Variants in CCDC83 observed in about 807,000 individuals in gnomAD.
CCDC83 encodes coiled-coil domain containing 83, also known as coiled-coil domain-containing protein 83.
Under a neutral mutation model 50.1 loss-of-function variants are expected in CCDC83, and 54 were observed. The ratio of observed to expected loss-of-function variants is 1.08; its 90% confidence interval spans 0.87 to 1.35. CCDC83 has a LOEUF of 1.35. Among genes scored for constraint, CCDC83 ranks in the 40% most tolerant of loss-of-function variants. The probability of loss-of-function intolerance (pLI) is 0.00; values close to 1 mark genes in which losing one functional copy is unlikely to be tolerated. For missense variants in CCDC83, 518 were observed against 473.9 expected (o/e 1.09, Z -0.86); for synonymous variants, 161 against 153.3 (o/e 1.05, Z -0.37).
chr11:85,901,512 G>T (rs1181468396), intron 7 of CCDC83, among the ~76,000 whole-genome samples: 1 of 151,914 alleles, frequency 6.6e-6, no homozygotes, highest in Non-Finnish European at 1.5e-5. Flanking sequence ...GGTCAAGGCT[G>T]CAGTCAGCTG....
intron 5 of CCDC83, among the ~76,000 whole-genome samples, chr11:85,888,718 T>A (rs1003230233): frequency 1.3e-5 from 2 of 152,166 alleles, no homozygotes; most frequent in Admixed American, 6.5e-5. Context: ...TATATTTAAG[T>A]CTTTGTTTTT....
At chr11:85,857,771 A>G (rs1205490550) in intron 1 of CCDC83, among the ~76,000 whole-genome samples, 1 of 152,174 alleles carries the variant, frequency 6.6e-6, no homozygotes, top group African/African-American at 2.4e-5. Flanking sequence ...GGCTGTGCCC[A>G]GGCCCTGTGG....
At chr11:85,919,215 A>G in intron 10 of CCDC83, 134 bp from the exon 11 acceptor site, 1 of 773,602 alleles carries the variant, frequency 1.3e-6, no homozygotes, top group Non-Finnish European at 2.1e-6. Flanking sequence ...TTCATGTGCT[A>G]CACAGCATCA....
chr11:85,916,098 T>A lies in CCDC83; in HGVS notation c.945T>A (p.Thr315=), dbSNP rs777289841. ...TGATGTCCTCATCAGATGAGAGCAC[T>A]ATCTTACATCTTAGTCATGAAAATA... is the stretch of plus-strand genomic sequence containing the variant. The part of the protein sequence containing the change: ...RDLMSSSDES[T]ILHLSHENSI... Residue 315 remains threonine (T), a synonymous_variant, in exon 10 of 11, where the codon ACT becomes ACA. Coordinates refer to ENST00000342404, the MANE Select transcript of CCDC83 (RefSeq NM_001286159.2). 2.4e-5 allele frequency: 39 copies of A among 1,613,138 alleles called. No individual in the cohort carries two copies. Among genetic ancestry groups the A allele is most frequent in the Non-Finnish European group, 3.3e-5 (39 of 1,179,308 alleles).
chr11:85,887,949 T>A (rs1014042048), intron 5 of CCDC83, among the ~76,000 whole-genome samples: 1 of 152,062 alleles, frequency 6.6e-6, no homozygotes, highest in Admixed American at 6.6e-5. Context: ...ACAGCAGGTA[T>A]GTGCCACCAT....
At chr11:85,911,081 G>C (rs548187618) in intron 7 of CCDC83, among the ~76,000 whole-genome samples, 200 bp from the exon 8 acceptor site, 1 of 150,684 alleles carries the variant, frequency 6.6e-6, no homozygotes, top group East Asian at 2.0e-4. Context: ...TGAGGCAGGA[G>C]AATCGCTTGA....
Position 85,882,567 on chromosome 11 carries a change from C to G in CCDC83, c.235C>G (p.Leu79Val). The change falls in exon 4 of 11, where the codon CTG becomes GTG. Residue 79 changes from leucine to valine, a missense_variant. Transcript: ENST00000342404. ...IWHIRHLLKE[L>V]SEEKAEGLPV... Reference sequence around the variant, plus strand: ...GCACATACGGCATCTACTAAAGGAACTGAGTGAAGAGAAGGCAGAGGGATT... The same window carrying G: ...GCACATACGGCATCTACTAAAGGAAGTGAGTGAAGAGAAGGCAGAGGGATT... 1 of 1,613,760 alleles carries G rather than the reference C, an allele frequency of 6.2e-7. No individual in the cohort carries two copies. The highest frequency in any genetic ancestry group is 8.5e-7 in the Non-Finnish European group (1 of 1,179,828).
chr11:85,901,129 G>A (rs541785330), intron 7 of CCDC83, among the ~76,000 whole-genome samples: 2 of 151,550 alleles, frequency 1.3e-5, no homozygotes, highest in African/African-American at 2.4e-5. Flanking sequence ...CATTTTGGGC[G>A]ACCAATGCAG....
intron 7 of CCDC83, among the ~76,000 whole-genome samples, chr11:85,907,218 T>G (rs949620122): frequency 1.3e-5 from 2 of 152,244 alleles, no homozygotes; most frequent in East Asian, 1.9e-4. Context: ...ACAGCTGTTT[T>G]GTTACATGAT....
intron 2 of CCDC83, 45 bp downstream of exon 2, chr11:85,865,263 C>A: frequency 8.5e-7 from 1 of 1,179,462 alleles, no homozygotes; most frequent in Non-Finnish European, 1.3e-6. Flanking sequence ...AGATAAAAGG[C>A]AGTCATTGTT....
chr11:85,878,664 C>T (rs542040636), intron 3 of CCDC83, among the ~76,000 whole-genome samples: 14 of 152,250 alleles, frequency 9.2e-5, no homozygotes, highest in African/African-American at 3.4e-4. Flanking sequence ...TTTTTAAGAA[C>T]AAAAGTTTTC....
At chr11:85,916,335 TC>T (rs202116635) in intron 10 of CCDC83, 102 bp downstream of exon 10, 13,614 of 896,992 alleles carry the variant, frequency 0.015, 178 homozygotes, top group South Asian at 0.034. Context: ...TATTGAAAAT[TC>T]CATTTGCAAT....
chr11:85,858,967 G>T (rs953982592), intron 1 of CCDC83, among the ~76,000 whole-genome samples: 1 of 151,916 alleles, frequency 6.6e-6, no homozygotes, highest in African/African-American at 2.4e-5. Flanking sequence ...ACTGAGAAAG[G>T]ACAGAGAATT....
At chr11:85,873,594 T>C (rs1406204916) in intron 3 of CCDC83, among the ~76,000 whole-genome samples, 2 of 152,180 alleles carry the variant, frequency 1.3e-5, no homozygotes, top group Admixed American at 6.5e-5. Flanking sequence ...TCTTTTGACT[T>C]TTTATTTAAC....
At chr11:85,863,825 T>G (rs568813724) in intron 1 of CCDC83, among the ~76,000 whole-genome samples, 2 of 152,202 alleles carry the variant, frequency 1.3e-5, no homozygotes, top group Non-Finnish European at 2.9e-5. Flanking sequence ...ACCCAGAATT[T>G]GAAGAAGCTT....
intron 3 of CCDC83, among the ~76,000 whole-genome samples, chr11:85,881,021 A>C (rs927120794): frequency 2.6e-5 from 4 of 152,204 alleles, no homozygotes; most frequent in African/African-American, 9.6e-5. Flanking sequence ...AACCTGTCAC[A>C]TGACATCAGG....
chr11:85,865,196 A>G lies in CCDC83; in HGVS notation c.73A>G (p.Ser25Gly), dbSNP rs2093200086. 2.5e-6 allele frequency: 4 copies of G among 1,605,754 alleles called. No individual in the cohort carries two copies. Among genetic ancestry groups the G allele is most frequent in the South Asian group, 2.2e-5 (2 of 90,898 alleles). ...ACCAAAAGAAATTAAACTGCCTACC[A>G]GTGAAGCACTTCTAGACTATCAGTA... The part of the protein sequence containing the change: ...GPPKEIKLPT[S>G]EALLDYQCQI... Residue 25 changes from serine (S) to glycine (G), a missense_variant, in exon 2 of 11, where the codon AGT becomes GGT. Coordinates refer to ENST00000342404, the MANE Select transcript of CCDC83 (RefSeq NM_001286159.2).
chr11:85,917,172 GAA>G (rs1240413284), intron 10 of CCDC83, among the ~76,000 whole-genome samples: 5 of 99,204 alleles, frequency 5.0e-5, no homozygotes, highest in Non-Finnish European at 1.0e-4. Flanking sequence ...GAGAGAGAAA[GAA>G]AGAAAGAAAG....
Position 85,906,050 on chromosome 11 carries a change from T to C in CCDC83, c.673-5231T>C, listed in dbSNP as rs146681510. 1.7e-3 allele frequency among the ~76,000 whole-genome samples: 250 copies of C among 150,610 alleles called. 2 individuals carry two copies. Among genetic ancestry groups the C allele is most frequent in the East Asian group, 1.8e-3 (9 of 5,096 alleles). On this transcript the variant is annotated intron_variant, in intron 7 of 10. Coordinates refer to ENST00000342404, the MANE Select transcript of CCDC83 (RefSeq NM_001286159.2). Reference sequence around the variant, plus strand: ...TATTAAATACAAAGTATGATCCTAATCAAATAACTTAACAATTCTCTCTTT... The same window carrying C: ...TATTAAATACAAAGTATGATCCTAACCAAATAACTTAACAATTCTCTCTTT...
Sources: gnomAD v4.1 joint callset for allele counts (sites outside exome capture counted in the v4.1 genomes callset) on GRCh38, gnomAD v4.1.1 for gene constraint, MANE v1.5 for transcripts, NCBI Gene and HGNC (gene_info 2026-07-23, HGNC 2026-07-21) for gene names.